Variants in L3MBTL4 observed in about 807,000 individuals in gnomAD.
The protein encoded by L3MBTL4 is L3MBTL histone methyl-lysine binding protein 4.
In L3MBTL4, 70 loss-of-function variants were observed where a neutral mutation model predicts 84.5. The ratio of observed to expected loss-of-function variants is 0.83; its 90% CI spans 0.68 to 1.01. The LOEUF (loss-of-function observed/expected upper bound fraction) is 1.01. Among genes scored for constraint, L3MBTL4 ranks in the 50% least tolerant of loss-of-function variants. The pLI is 0.00. For synonymous variants in L3MBTL4, 274 were observed against 259.8 expected (o/e 1.05, Z -0.52); for missense variants, 715 against 754.8 (o/e 0.95, Z 0.62).
intron 16 of L3MBTL4, among the ~76,000 whole-genome samples, chr18:5,992,438 G>T (rs1234521398): frequency 6.6e-6 from 1 of 152,160 alleles, no homozygotes; most frequent in African/African-American, 2.4e-5. Flanking sequence ...TGGAGAGTGA[G>T]GTGGGTGGAG....
intron 4 of L3MBTL4, among the ~76,000 whole-genome samples, chr18:6,275,453 T>A (rs1412964576): frequency 6.6e-6 from 1 of 151,976 alleles, no homozygotes; most frequent in Non-Finnish European, 1.5e-5. Flanking sequence ...CAGGAAAAAG[T>A]AGGGATGTGA....
intron 1 of L3MBTL4, chr18:6,326,414 A>G (rs2051720219): frequency 6.6e-6 from 1 of 152,262 alleles, no homozygotes; most frequent in South Asian, 2.1e-4. Flanking sequence ...AGCCCCTGGA[A>G]TGAGTGAACT....
At chr18:6,123,294 T>C (rs188341410) in intron 14 of L3MBTL4, among the ~76,000 whole-genome samples, 1 of 152,350 alleles carries the variant, frequency 6.6e-6, no homozygotes, top group East Asian at 1.9e-4. Flanking sequence ...TGTTGTGATG[T>C]ATCTCTTAAA....
At chr18:6,135,950 A>G (rs1437160189) in intron 14 of L3MBTL4, among the ~76,000 whole-genome samples, 1 of 152,186 alleles carries the variant, frequency 6.6e-6, no homozygotes, top group Non-Finnish European at 1.5e-5. Flanking sequence ...AAAGAAAAAG[A>G]GGTTTAATTG....
At chr18:6,244,629 A>C (rs972337189) in intron 5 of L3MBTL4, 41 bp from the exon 6 acceptor site, 4 of 1,341,132 alleles carry the variant, frequency 3.0e-6, no homozygotes, top group Non-Finnish European at 4.3e-6. Flanking sequence ...CTGAGATTTC[A>C]TCACAGTTTT....
At chr18:6,300,319 C>T (rs1473142343) in intron 4 of L3MBTL4, among the ~76,000 whole-genome samples, 1 of 152,112 alleles carries the variant, frequency 6.6e-6, no homozygotes, top group Non-Finnish European at 1.5e-5. Flanking sequence ...TCAACCTTTT[C>T]CTAAACATTT....
chr18:6,182,283 T>G (rs1195566203), intron 12 of L3MBTL4, among the ~76,000 whole-genome samples: 2 of 152,214 alleles, frequency 1.3e-5, no homozygotes, highest in East Asian at 1.9e-4. Flanking sequence ...GCATGTTGAC[T>G]GTGTGTGTGT....
intron 16 of L3MBTL4, among the ~76,000 whole-genome samples, chr18:6,071,705 G>GAAGGAAAA (rs2057619155): frequency 1.6e-5 from 1 of 60,616 alleles, no homozygotes; most frequent in Non-Finnish European, 3.1e-5. Context: ...AAGAAAGAAA[G>GAAGGAAAA]AAAGAAAGAA....
At chr18:6,014,518 G>C (rs1462795805) in intron 16 of L3MBTL4, among the ~76,000 whole-genome samples, 1 of 138,310 alleles carries the variant, frequency 7.2e-6, no homozygotes, top group African/African-American at 2.8e-5. Context: ...TGCAGGGTAA[G>C]TGAAGTCTGC....
At chr18:6,095,754 G>C (rs186020012) in intron 14 of L3MBTL4, among the ~76,000 whole-genome samples, 69 of 152,286 alleles carry the variant, frequency 4.5e-4, no homozygotes, top group African/African-American at 1.6e-3. Flanking sequence ...GGCTAATGCA[G>C]GCTTGGTTTG....
At chr18:6,044,651 C>G (rs2056539440) in intron 16 of L3MBTL4, among the ~76,000 whole-genome samples, 1 of 151,822 alleles carries the variant, frequency 6.6e-6, no homozygotes, top group Admixed American at 6.6e-5. Context: ...AAGGGGAAAA[C>G]AGGGAGGGAA....
At chr18:6,396,100 T>C (rs371132916) in intron 1 of L3MBTL4, 181 of 152,378 alleles carry the variant, frequency 1.2e-3, no homozygotes, top group African/African-American at 4.3e-3. Flanking sequence ...GAAATGAAGC[T>C]AGCCACATTC....
intron 4 of L3MBTL4, 86 bp downstream of exon 4, chr18:6,301,817 A>C (rs1296577004): frequency 2.1e-6 from 2 of 955,548 alleles, no homozygotes; most frequent in South Asian, 1.3e-5. Flanking sequence ...TTAATTAATA[A>C]ACCTAAAACA....
intron 1 of L3MBTL4, among the ~76,000 whole-genome samples, chr18:6,320,028 T>C (rs772953724): frequency 2.6e-5 from 4 of 151,480 alleles, no homozygotes; most frequent in Non-Finnish European, 4.4e-5. Flanking sequence ...ATAAACAAAA[T>C]TAAAAACAAA....
chr18:6,132,067 A>G (rs1223094735), intron 14 of L3MBTL4, among the ~76,000 whole-genome samples: 1 of 152,152 alleles, frequency 6.6e-6, no homozygotes. Flanking sequence ...CACACTCTCC[A>G]ATGATACCCT....
chr18:6,021,538 C>T (rs2055260605), intron 16 of L3MBTL4, among the ~76,000 whole-genome samples: 1 of 152,174 alleles, frequency 6.6e-6, no homozygotes, highest in African/African-American at 2.4e-5. Flanking sequence ...CCCTTTGTAA[C>T]CTGCAACAGG....
intron 16 of L3MBTL4, among the ~76,000 whole-genome samples, chr18:5,996,627 G>A (rs1448243131): frequency 6.6e-5 from 10 of 152,096 alleles, no homozygotes; most frequent in East Asian, 1.9e-4. Context: ...AAGCTTTTCC[G>A]TGGGAAAAGA....
At chr18:6,335,111 G>A (rs1014194191) in intron 1 of L3MBTL4, among the ~76,000 whole-genome samples, 3 of 152,072 alleles carry the variant, frequency 2.0e-5, no homozygotes, top group Non-Finnish European at 4.4e-5. Context: ...CATTTTTTGA[G>A]ATGGAGTCTT....
chr18:6,407,983 T>C (rs2055804819), intron 1 of L3MBTL4, among the ~76,000 whole-genome samples: 1 of 151,756 alleles, frequency 6.6e-6, no homozygotes, highest in South Asian at 2.1e-4. Flanking sequence ...CAGACACAAA[T>C]GTACAAAAGC....
Sources: allele counts gnomAD v4.1 joint callset (sites outside exome capture counted in the v4.1 genomes callset), GRCh38; gene constraint gnomAD v4.1.1; transcripts MANE v1.5; gene names NCBI Gene and HGNC (gene_info 2026-07-23, HGNC 2026-07-21).